CNTLN: variants seen among roughly 807,000 people sequenced by gnomAD.
CNTLN encodes centlein, centrosomal protein.
A neutral mutation model predicts 180.0 loss-of-function variants in CNTLN; 212 were observed. The ratio of observed to expected loss-of-function variants is 1.18; its 90% CI spans 1.05 to 1.32. The LOEUF (loss-of-function observed/expected upper bound fraction) is 1.32, where lower values mean the gene tolerates loss of function less well. Among genes scored for constraint, CNTLN ranks in the 40% most tolerant of loss-of-function variants. The pLI is 0.00. For synonymous variants in CNTLN, 722 were observed against 563.1 expected (o/e 1.28, Z -3.99); for missense variants, 2,095 against 1,610.9 (o/e 1.30, Z -5.14).
chr9:17,378,271 C>T (rs1824944179), intron 13 of CNTLN, among the ~76,000 whole-genome samples: 1 of 152,136 alleles, frequency 6.6e-6, no homozygotes, highest in Non-Finnish European at 1.5e-5. Context: ...CCTCCGATTC[C>T]CTGGTTCAAG....
chr9:17,208,744 G>T (rs192788015), intron 2 of CNTLN, among the ~76,000 whole-genome samples: 1 of 152,074 alleles, frequency 6.6e-6, no homozygotes, highest in East Asian at 1.9e-4. Flanking sequence ...CCAATTTATC[G>T]GCGTATAGTT....
At chr9:17,494,313 G>T (rs926976882) in intron 25 of CNTLN, among the ~76,000 whole-genome samples, 1 of 152,144 alleles carries the variant, frequency 6.6e-6, no homozygotes, top group Non-Finnish European at 1.5e-5. Flanking sequence ...GCCAATGACA[G>T]ACCACACTAT....
intron 15 of CNTLN, among the ~76,000 whole-genome samples, chr9:17,405,025 A>C (rs373175502): frequency 6.6e-6 from 1 of 151,764 alleles, no homozygotes; most frequent in African/African-American, 2.4e-5. Flanking sequence ...GATGTGAGCC[A>C]CCGCGCCCAG....
chr9:17,437,696 G>A (rs1829859197), intron 18 of CNTLN, among the ~76,000 whole-genome samples: 1 of 152,128 alleles, frequency 6.6e-6, no homozygotes. Flanking sequence ...CACATGTAAA[G>A]CGCTATAATA....
chr9:17,366,946 T>C (rs1823872398), intron 13 of CNTLN, among the ~76,000 whole-genome samples: 1 of 152,118 alleles, frequency 6.6e-6, no homozygotes, highest in African/African-American at 2.4e-5. Context: ...TACAGCAAGA[T>C]GGCCAAATAG....
At chr9:17,508,646 T>C (rs557206940), downstream of CNTLN, among the ~76,000 whole-genome samples, 3 of 152,358 alleles carry the variant, frequency 2.0e-5, no homozygotes, top group South Asian at 2.1e-4. Context: ...GAGAGTGTTA[T>C]ATAAATGGAA....
At chr9:17,266,673 A>C (rs546008554) in intron 5 of CNTLN, among the ~76,000 whole-genome samples, 2 of 152,102 alleles carry the variant, frequency 1.3e-5, no homozygotes, top group African/African-American at 4.8e-5. Context: ...GTGGGAGTCT[A>C]AGTCTCTTTG....
chr9:17,349,003 T>G (rs560274912), intron 12 of CNTLN, among the ~76,000 whole-genome samples: 3 of 152,098 alleles, frequency 2.0e-5, no homozygotes, highest in Non-Finnish European at 4.4e-5. Flanking sequence ...ATTTTTTGTT[T>G]CTGTTCATTG....
chr9:17,459,115 C>G (rs555685404), intron 19 of CNTLN, among the ~76,000 whole-genome samples: 1 of 151,766 alleles, frequency 6.6e-6, no homozygotes, highest in Middle Eastern at 3.2e-3. Context: ...ATTGTCTAAT[C>G]TGACTTCTAA....
intron 13 of CNTLN, among the ~76,000 whole-genome samples, chr9:17,369,038 C>T (rs1824082333): frequency 1.3e-5 from 2 of 152,058 alleles, no homozygotes; most frequent in Admixed American, 6.5e-5. Flanking sequence ...GCTTTGTGTC[C>T]CCACCCCAGA....
chr9:17,369,412 C>G (rs975841894), intron 13 of CNTLN, among the ~76,000 whole-genome samples: 1 of 151,856 alleles, frequency 6.6e-6, no homozygotes, highest in Non-Finnish European at 1.5e-5. Context: ...ATGACTTCAT[C>G]AAACAAACGA....
chr9:17,178,357 A>C (rs1222094652), intron 2 of CNTLN, among the ~76,000 whole-genome samples: 1 of 152,166 alleles, frequency 6.6e-6, no homozygotes, highest in African/African-American at 2.4e-5. Flanking sequence ...CACCCAGTGG[A>C]TCCCGCACCC....
chr9:17,153,066 G>C (rs928004592), intron 2 of CNTLN, among the ~76,000 whole-genome samples: 70 of 152,056 alleles, frequency 4.6e-4, no homozygotes, highest in African/African-American at 1.7e-3. Context: ...CACATGAGAT[G>C]GTTCTCCTGA....
chr9:17,177,234 C>G, intron 2 of CNTLN, among the ~76,000 whole-genome samples: 1 of 151,964 alleles, frequency 6.6e-6, no homozygotes. Flanking sequence ...ATGGTGAAAC[C>G]CCGTCTCTAC....
At chr9:17,135,556 C>G in intron 1 of CNTLN, 131 bp downstream of exon 1, 3 of 1,231,708 alleles carry the variant, frequency 2.4e-6, no homozygotes, top group Non-Finnish European at 3.3e-6. Flanking sequence ...GCACACCCTG[C>G]TTCGCTCGCG....
In CNTLN at chr9:17,472,102, A is replaced by G. The variant is rs190410700; in HGVS notation, c.3855+5211A>G. Among the ~76,000 whole-genome samples the G allele has an allele frequency of 9.1e-4, 138 of 152,254 alleles. 1 individual carries two copies. The highest frequency in any genetic ancestry group is 2.6e-3 in the African/African-American group (109 of 41,548). ...ACAACATAGTATTTTCTAATAATCA[A>G]TGCATTGGAATTGAAGGCATATGGA... On this transcript the variant is annotated intron_variant, in intron 23 of 25. Transcript: ENST00000380647.
the CNTLN span, among the ~76,000 whole-genome samples, chr9:17,515,442 C>T: frequency 6.6e-6 from 1 of 152,042 alleles, no homozygotes; most frequent in East Asian, 1.9e-4. Flanking sequence ...TATTTTCCAG[C>T]CCTGACATCT....
chr9:17,174,698 G>GAA (rs34784210), intron 2 of CNTLN, among the ~76,000 whole-genome samples: 19 of 124,442 alleles, frequency 1.5e-4, no homozygotes, highest in African/African-American at 4.1e-4. Context: ...TCCGTCTCAG[G>GAA]AAAAAAAAAA....
intron 13 of CNTLN, among the ~76,000 whole-genome samples, chr9:17,379,372 T>C (rs988792967): frequency 6.6e-6 from 1 of 152,168 alleles, no homozygotes; most frequent in Non-Finnish European, 1.5e-5. Flanking sequence ...TCCCTGTATC[T>C]GAGTAGATCT....
Sources: allele counts gnomAD v4.1 joint callset (sites outside exome capture counted in the v4.1 genomes callset), GRCh38; gene constraint gnomAD v4.1.1; transcripts MANE v1.5; gene names NCBI Gene and HGNC (gene_info 2026-07-23, HGNC 2026-07-21).